FRMPD2: variants seen among roughly 807,000 people sequenced by gnomAD.
The protein encoded by FRMPD2 is FERM and PDZ domain-containing protein 2.
Under a neutral mutation model 140.1 loss-of-function variants are expected in FRMPD2, and 96 were observed. The observed-to-expected ratio is 0.69, with a 90% CI of 0.58 to 0.81. The LOEUF (loss-of-function observed/expected upper bound fraction) is 0.81, where lower values mean the gene tolerates loss of function less well. Ranked by LOEUF, FRMPD2 falls within the 40% of genes least tolerant of loss-of-function variation. The probability of loss-of-function intolerance (pLI) is 0.00; values close to 1 mark genes in which losing one functional copy is unlikely to be tolerated. For missense variants in FRMPD2, 1,240 were observed against 1,447.4 expected, an observed-to-expected ratio of 0.86 and a Z score of 2.32; for synonymous variants, 449 against 547.6, an observed-to-expected ratio of 0.82 and a Z score of 2.52.
At chr10:48,254,493 G>T (rs1440932506) in intron 1 of FRMPD2, among the ~76,000 whole-genome samples, 1 of 152,178 alleles carries the variant, frequency 6.6e-6, no homozygotes, top group Non-Finnish European at 1.5e-5. Flanking sequence ...GATAGATTAT[G>T]AAGTAAGATA....
chr10:48,244,898 C>G, intron 3 of FRMPD2, 49 bp from the exon 4 acceptor site: 2 of 1,357,736 alleles, frequency 1.5e-6, no homozygotes, highest in Non-Finnish European at 2.1e-6. Context: ...CTCTGTTATT[C>G]CATGGCTCTG....
At chr10:48,174,202 T>C (rs1363649823) in intron 24 of FRMPD2, among the ~76,000 whole-genome samples, 2 of 151,978 alleles carry the variant, frequency 1.3e-5, no homozygotes, top group Non-Finnish European at 2.9e-5. Context: ...GTTGACTTTT[T>C]AGTTGCCAAA....
At chr10:48,267,904 C>T (rs1458636865) in intron 1 of FRMPD2, among the ~76,000 whole-genome samples, 2 of 152,204 alleles carry the variant, frequency 1.3e-5, no homozygotes, top group Non-Finnish European at 2.9e-5. Flanking sequence ...AAAGCCTACA[C>T]ATTGTGTAAT....
intron 7 of FRMPD2, among the ~76,000 whole-genome samples, 188 bp from the exon 8 acceptor site, chr10:48,238,311 C>A (rs973839703): frequency 6.6e-6 from 1 of 152,152 alleles, no homozygotes; most frequent in African/African-American, 2.4e-5. Context: ...AGAAGCCAGG[C>A]TGCACAGCCA....
chr10:48,189,118 A>G (rs1394649176), intron 16 of FRMPD2, among the ~76,000 whole-genome samples: 2 of 152,298 alleles, frequency 1.3e-5, no homozygotes, highest in East Asian at 3.9e-4. Flanking sequence ...AAAACATTTT[A>G]AACGTGAACT....
intron 10 of FRMPD2, among the ~76,000 whole-genome samples, chr10:48,226,494 G>T (rs1025400322): frequency 6.6e-6 from 1 of 152,142 alleles, no homozygotes; most frequent in African/African-American, 2.4e-5. Flanking sequence ...ATGCCATTTG[G>T]GCCTATCAGC....
chr10:48,161,205 C>T (rs1457446338), intron 28 of FRMPD2, among the ~76,000 whole-genome samples: 4 of 149,896 alleles, frequency 2.7e-5, no homozygotes. Context: ...TCACAACAGA[C>T]TGAAGATAGG....
intron 3 of FRMPD2, among the ~76,000 whole-genome samples, chr10:48,246,221 C>T (rs117168443): frequency 1.9e-3 from 291 of 152,288 alleles, no homozygotes; most frequent in South Asian, 3.3e-3. Flanking sequence ...TCTTCCCACA[C>T]GGTTAGCATG....
intron 5 of FRMPD2, among the ~76,000 whole-genome samples, chr10:48,241,143 C>T (rs556693446): frequency 1.3e-5 from 2 of 152,230 alleles, no homozygotes; most frequent in African/African-American, 4.8e-5. Flanking sequence ...TCATAGGAGC[C>T]ACATGTTCCT....
chr10:48,183,584 C>T lies in FRMPD2; in HGVS notation c.2584+982G>A, dbSNP rs149445311. On this transcript the variant is annotated intron_variant, in intron 20 of 28. Transcript: ENST00000374201. ...TTTAAGAAAAGGCCAGGTGCAGTGG[C>T]TCATGCCTGTAATCCCAGCACTTTG... Among the ~76,000 whole-genome samples, 270 of 152,244 alleles carry T rather than the reference C, an allele frequency of 1.8e-3. 2 individuals are homozygous for T. Among genetic ancestry groups the T allele is most frequent in the African/African-American group, 5.9e-3 (246 of 41,550 alleles).
chr10:48,189,387 GC>G (rs1170465607), intron 16 of FRMPD2, among the ~76,000 whole-genome samples: 1 of 152,238 alleles, frequency 6.6e-6, no homozygotes, highest in African/African-American at 2.4e-5. Flanking sequence ...GAGTGGGAGG[GC>G]AGGCAGGAGC....
intron 15 of FRMPD2, among the ~76,000 whole-genome samples, chr10:48,200,404 G>A: frequency 6.6e-6 from 1 of 152,110 alleles, no homozygotes; most frequent in East Asian, 1.9e-4. Context: ...AAGCAAGTTT[G>A]AATCTTTCAT....
At chr10:48,229,621 A>C (rs2131919612) in intron 10 of FRMPD2, among the ~76,000 whole-genome samples, 1 of 152,276 alleles carries the variant, frequency 6.6e-6, no homozygotes, top group African/African-American at 2.4e-5. Flanking sequence ...TTTGATATAA[A>C]TGTTCCTAAA....
At chr10:48,233,887 G>T (rs1262619502) in intron 9 of FRMPD2, among the ~76,000 whole-genome samples, 1 of 152,138 alleles carries the variant, frequency 6.6e-6, no homozygotes, top group Non-Finnish European at 1.5e-5. Context: ...TGGAGGAAAG[G>T]TCCCATGCAG....
chr10:48,202,567 G>A (rs1451124186), intron 14 of FRMPD2, among the ~76,000 whole-genome samples: 2 of 152,184 alleles, frequency 1.3e-5, no homozygotes, highest in Non-Finnish European at 2.9e-5. Context: ...CAATTGAACT[G>A]TACTATAACT....
chr10:48,242,976 G>A (rs754997400), intron 4 of FRMPD2, among the ~76,000 whole-genome samples: 4 of 152,208 alleles, frequency 2.6e-5, no homozygotes, highest in Non-Finnish European at 4.4e-5. Context: ...CTCAAATTCA[G>A]ATTCAAAATC....
At chr10:48,258,803 G>T (rs548691435) in intron 1 of FRMPD2, among the ~76,000 whole-genome samples, 9 of 152,216 alleles carry the variant, frequency 5.9e-5, no homozygotes, top group African/African-American at 2.2e-4. Context: ...TATTTTAAAA[G>T]GATACTACAT....
chr10:48,232,381 T>A, intron 9 of FRMPD2, 92 bp from the exon 10 acceptor site: 1 of 855,688 alleles, frequency 1.2e-6, no homozygotes, highest in East Asian at 2.7e-5. Context: ...TTTACACACA[T>A]TGTCTCATTT....
chr10:48,198,939 G>A (rs573835591), intron 15 of FRMPD2, among the ~76,000 whole-genome samples: 2 of 152,290 alleles, frequency 1.3e-5, no homozygotes, highest in South Asian at 4.2e-4. Flanking sequence ...TTTGTATACA[G>A]TAACATGGAT....
Sources: gnomAD v4.1 joint callset for allele counts (sites outside exome capture counted in the v4.1 genomes callset) on GRCh38, gnomAD v4.1.1 for gene constraint, MANE v1.5 for transcripts, NCBI Gene and HGNC (gene_info 2026-07-23, HGNC 2026-07-21) for gene names.